The following PRKD3 variants were observed in gnomAD, a reference collection of about 807,000 sequenced individuals.
PRKD3 encodes the protein protein kinase D3, also known as serine/threonine-protein kinase D3.
PRKD3 carries 47 observed loss-of-function variants against 99.2 expected under a neutral mutation model. The observed-to-expected ratio is 0.47, with a 90% CI of 0.38 to 0.60. PRKD3 has a LOEUF of 0.60. Ranked by LOEUF, PRKD3 falls within the 20% of genes least tolerant of loss-of-function variation. PRKD3 has a pLI of 0.00. For missense variants in PRKD3, 1,019 were observed against 1,088.4 expected (o/e 0.94, Z 0.90); for synonymous variants, 392 against 355.4 (o/e 1.10, Z -1.16).
chr2:37,257,739 T>C (rs1668096149), intron 16 of PRKD3, among the ~76,000 whole-genome samples: 1 of 149,204 alleles, frequency 6.7e-6, no homozygotes, highest in Non-Finnish European at 1.5e-5. Flanking sequence ...AATCCTAGAA[T>C]CTCTTTTCCT....
chr2:37,286,064 C>T (rs1670080133), intron 6 of PRKD3, 113 bp downstream of exon 6: 4 of 941,562 alleles, frequency 4.2e-6, no homozygotes. Flanking sequence ...CTTTATATAA[C>T]AATTATGAGA....
intron 13 of PRKD3, chr2:37,268,102 A>G: frequency 3.2e-6 from 1 of 313,246 alleles, no homozygotes; most frequent in Non-Finnish European, 6.3e-6. Flanking sequence ...TGTACTAGGT[A>G]TGCCTTTAGA....
chr2:37,308,376 T>C (rs1671255966), intron 2 of PRKD3, among the ~76,000 whole-genome samples: 1 of 151,838 alleles, frequency 6.6e-6, no homozygotes, highest in South Asian at 2.2e-4. Flanking sequence ...ATATGTAAAT[T>C]TTCTTTTGAG....
chr2:37,267,584 T>C, intron 13 of PRKD3, 48 bp from the exon 14 acceptor site: 2 of 1,304,692 alleles, frequency 1.5e-6, no homozygotes, highest in Non-Finnish European at 2.2e-6. Context: ...CTGACAGCTT[T>C]ATTAGGGAGT....
intron 1 of PRKD3, among the ~76,000 whole-genome samples, chr2:37,320,111 T>G (rs1671818083): frequency 6.6e-6 from 1 of 152,248 alleles, no homozygotes; most frequent in Admixed American, 6.5e-5. Context: ...GATACTTTAT[T>G]AAATCCTTGC....
At chr2:37,319,620 C>G (rs1163203136) in intron 1 of PRKD3, among the ~76,000 whole-genome samples, 2 of 152,040 alleles carry the variant, frequency 1.3e-5, no homozygotes, top group Non-Finnish European at 2.9e-5. Context: ...TAATGGGTGA[C>G]TAAAAGAGCT....
At chr2:37,268,300 C>G (rs1284617578) in intron 13 of PRKD3, 4 of 470,760 alleles carry the variant, frequency 8.5e-6, no homozygotes, top group Middle Eastern at 6.5e-4. Flanking sequence ...GCCAAAGGTA[C>G]CTCGGACAGT....
intron 5 of PRKD3, 21 bp downstream of exon 5, chr2:37,289,335 C>CT: frequency 1.2e-6 from 2 of 1,611,774 alleles, no homozygotes; most frequent in Non-Finnish European, 1.7e-6. Context: ...ACTAAAATGT[C>CT]TATTACCTTA....
chr2:37,270,365 A>C (rs924901560), intron 12 of PRKD3, among the ~76,000 whole-genome samples: 22 of 151,616 alleles, frequency 1.5e-4, no homozygotes, highest in African/African-American at 4.6e-4. Context: ...AAAAAAAAAA[A>C]AAACTCAAAA....
intron 2 of PRKD3, among the ~76,000 whole-genome samples, chr2:37,296,268 G>A (rs896783826): frequency 1.3e-5 from 2 of 151,982 alleles, no homozygotes; most frequent in African/African-American, 4.8e-5. Context: ...GTATGACTTG[G>A]AAAAAATAAA....
At chr2:37,295,017 G>C (rs1670612096) in intron 2 of PRKD3, among the ~76,000 whole-genome samples, 1 of 152,234 alleles carries the variant, frequency 6.6e-6, no homozygotes, top group African/African-American at 2.4e-5. Context: ...AGAGGTTGCT[G>C]TGAGCCAAGA....
intron 9 of PRKD3, 128 bp from the exon 10 acceptor site, chr2:37,275,972 C>CA (rs1331818997): frequency 8.0e-7 from 1 of 1,247,780 alleles, no homozygotes; most frequent in Non-Finnish European, 1.1e-6. Context: ...TCATGAGGTT[C>CA]AAAATTCTCA....
At chr2:37,323,149 T>G (rs1671956551) in intron 1 of PRKD3, among the ~76,000 whole-genome samples, 1 of 151,370 alleles carries the variant, frequency 6.6e-6, no homozygotes, top group Non-Finnish European at 1.5e-5. Flanking sequence ...CAGAAAGAAA[T>G]TTCTATTTTA....
chr2:37,253,087 A>C lies in PRKD3; in HGVS notation c.*90T>G. The C allele has an allele frequency of 7.8e-7, 1 of 1,282,424 alleles. No homozygotes were observed. Among genetic ancestry groups the C allele is most frequent in the East Asian group, 2.4e-5 (1 of 42,542 alleles). The allele number at this position is 1,282,424 out of a possible 1,614,324, so 79.4% of individuals were successfully genotyped here. On this transcript the variant is annotated 3_prime_UTR_variant, in exon 19 of 19. Coordinates refer to ENST00000234179, the MANE Select transcript of PRKD3 (RefSeq NM_005813.6). The stretch of plus-strand genomic sequence containing the variant: ...TCATATTTCTTCATATCTTTGCAGC[A>C]CTGCAGATGACAATCTACAAAGAAC...
intron 2 of PRKD3, among the ~76,000 whole-genome samples, chr2:37,314,904 T>C (rs1406962481): frequency 6.6e-6 from 1 of 152,156 alleles, no homozygotes; most frequent in Non-Finnish European, 1.5e-5. Context: ...AGAAGTAAAG[T>C]TATTCTTACT....
intron 8 of PRKD3, chr2:37,278,876 A>C (rs76611750): frequency 0.096 from 14,618 of 151,852 alleles, 1,101 homozygotes; most frequent in East Asian, 0.34. Context: ...GCAGAGGTTG[A>C]AGTGAGTGGA....
chr2:37,272,452 C>T lies in PRKD3; in HGVS notation c.1652-20G>A. The T allele has an allele frequency of 6.3e-7, 1 of 1,593,320 alleles. No individual in the cohort carries two copies. The highest frequency in any genetic ancestry group is 1.8e-5 in the Admixed American group (1 of 54,778). ...AATCTTCTGTAAAATATAAAAAAGACAAAATTTAGTATATGACAATATTAT... is the reference window on the plus strand; with the variant it reads ...AATCTTCTGTAAAATATAAAAAAGATAAAATTTAGTATATGACAATATTAT... On this transcript the variant is annotated intron_variant, in intron 11 of 18. Coordinates refer to ENST00000234179, the MANE Select transcript of PRKD3 (RefSeq NM_005813.6).
At chr2:37,285,830 A>T (rs546178818) in intron 6 of PRKD3, among the ~76,000 whole-genome samples, 1 of 152,088 alleles carries the variant, frequency 6.6e-6, no homozygotes, top group Non-Finnish European at 1.5e-5. Context: ...TATTACTACT[A>T]ACTCCTATTA....
chr2:37,279,301 G>A (rs1253185160), intron 8 of PRKD3: 1 of 152,482 alleles, frequency 6.6e-6, no homozygotes, highest in Non-Finnish European at 1.5e-5. Flanking sequence ...GTGGCAATAT[G>A]AAAACTGCCC....
Sources: allele counts gnomAD v4.1 joint callset (sites outside exome capture counted in the v4.1 genomes callset), GRCh38; gene constraint gnomAD v4.1.1; transcripts MANE v1.5; gene names NCBI Gene and HGNC (gene_info 2026-07-23, HGNC 2026-07-21).